The following RALGAPB variants were observed in gnomAD, a reference collection of about 807,000 sequenced individuals.
RALGAPB encodes ral GTPase-activating protein subunit beta.
RALGAPB carries 25 observed loss-of-function variants against 161.1 expected under a neutral mutation model. The observed-to-expected ratio is 0.16, with a 90% confidence interval of 0.11 to 0.22. RALGAPB has a LOEUF of 0.22. Ranked by LOEUF, RALGAPB falls within the 10% of genes least tolerant of loss-of-function variation. The probability of loss-of-function intolerance (pLI) is 1.00; values close to 1 mark genes in which losing one functional copy is unlikely to be tolerated. For synonymous variants in RALGAPB, 629 were observed against 626.1 expected (o/e 1.00, Z -0.07); for missense variants, 1,391 against 1,815.2 (o/e 0.77, Z 4.25).
At chr20:38,546,114 T>A in intron 18 of RALGAPB, 129 bp from the exon 19 acceptor site, 1 of 1,499,268 alleles carries the variant, frequency 6.7e-7, no homozygotes, top group East Asian at 2.3e-5. Flanking sequence ...AAGGAGTAAA[T>A]CTGACCTGTC....
intron 1 of RALGAPB, among the ~76,000 whole-genome samples, chr20:38,481,670 A>G (rs1458607884): frequency 1.3e-5 from 2 of 152,244 alleles, no homozygotes; most frequent in Non-Finnish European, 2.9e-5. Flanking sequence ...GCCAAACCAT[A>G]TCAATGTATA....
intron 18 of RALGAPB, 126 bp from the exon 19 acceptor site, chr20:38,546,117 G>C (rs2145413776): frequency 6.6e-7 from 1 of 1,507,850 alleles, no homozygotes; most frequent in East Asian, 2.3e-5. Flanking sequence ...GAGTAAATCT[G>C]ACCTGTCAAG....
rs1481093052 is a variant in RALGAPB, at chr20:38,564,395, ACCTCTTGTCT to A, written c.3698-963_3698-954del. Among the ~76,000 whole-genome samples the A allele has an allele frequency of 2.0e-4, 31 of 152,248 alleles. No homozygotes were observed. The East Asian group carries it at 5.8e-3, about 28-fold the overall frequency. On this transcript the variant is annotated intron_variant, in intron 24 of 29. Coordinates refer to ENST00000262879, the MANE Select transcript of RALGAPB (RefSeq NM_020336.4). ...GGTCCTTTACAGAAAAAGTTTGCTA[ACCTCTTGTCT>A]AAAGCTTCCTATTTGCCATACCTTC... is the stretch of plus-strand genomic sequence containing the variant.
At chr20:38,515,505 A>G (rs1568931497) in intron 6 of RALGAPB, among the ~76,000 whole-genome samples, 2 of 152,128 alleles carry the variant, frequency 1.3e-5, no homozygotes, top group African/African-American at 4.8e-5. Flanking sequence ...AAATATTTCA[A>G]ACTGTTTGTA....
rs144189697 is a variant in RALGAPB at position 38,486,070 on chromosome 20, C to T, written c.-30-2333C>T. Among the ~76,000 whole-genome samples the T allele has an allele frequency of 2.8e-3, 413 of 148,332 alleles. 3 individuals are homozygous for T. The highest frequency in any genetic ancestry group is 9.8e-3 in the African/African-American group (394 of 40,274). On this transcript the variant is annotated intron_variant, in intron 1 of 29. Coordinates refer to ENST00000262879, the MANE Select transcript of RALGAPB (RefSeq NM_020336.4). ...CTGCAGCCTCCACCTCCCGGTTTCA[C>T]GTGATTTTCCTGCCTCAGCCTCCCA...
At chr20:38,516,528 C>A in intron 7 of RALGAPB, 158 bp downstream of exon 7, 1 of 718,242 alleles carries the variant, frequency 1.4e-6, no homozygotes, top group Non-Finnish European at 2.2e-6. Flanking sequence ...AATAAAATAG[C>A]CAGAGGGTTA....
Position 38,549,061 on chromosome 20 carries a change from A to G in RALGAPB, c.3009+266A>G, listed in dbSNP as rs760220524. Among the ~76,000 whole-genome samples, 5 of 152,176 alleles carry G rather than the reference A, an allele frequency of 3.3e-5. No homozygotes were observed. In the East Asian group the frequency reaches 9.6e-4, roughly 29 times the overall value. ...TTAGGAGTAATTGCTGTTGTGGACA[A>G]TGGCCCCAGTTTTTTCCATGTAATT... is the stretch of plus-strand genomic sequence containing the variant. On this transcript the variant is annotated intron_variant, in intron 20 of 29. Coordinates refer to ENST00000262879, the MANE Select transcript of RALGAPB (RefSeq NM_020336.4).
At chr20:38,503,374 A>G (rs2085653093) in intron 5 of RALGAPB, among the ~76,000 whole-genome samples, 1 of 152,192 alleles carries the variant, frequency 6.6e-6, no homozygotes, top group African/African-American at 2.4e-5. Context: ...TACCATATCA[A>G]CATTAACAGG....
At chr20:38,496,634 GT>G (rs1198000839) in intron 3 of RALGAPB, among the ~76,000 whole-genome samples, 1 of 152,124 alleles carries the variant, frequency 6.6e-6, no homozygotes, top group Non-Finnish European at 1.5e-5. Context: ...ACTTTGATCT[GT>G]TTTATAGATC....
At chr20:38,569,817 G>T in intron 26 of RALGAPB, 71 bp from the exon 27 acceptor site, 1 of 1,109,338 alleles carries the variant, frequency 9.0e-7, no homozygotes, top group Admixed American at 1.8e-5. Context: ...TGAATGACTG[G>T]GTAGTTTTAT....
In RALGAPB at chr20:38,574,891, A is replaced by G. The variant is rs1210730146; in HGVS notation, c.4409A>G (p.Tyr1470Cys). The G allele has an allele frequency of 1.1e-5, 18 of 1,614,036 alleles. No individual in the cohort carries two copies. Among genetic ancestry groups the G allele is most frequent in the Non-Finnish European group, 1.4e-5 (17 of 1,179,862 alleles). ...AAAATCACCGACATTGTCAACAAGT[A>G]CCGGAACAAGCAGCTGGAGCCAGAG... is the stretch of plus-strand genomic sequence containing the variant. Reference protein sequence around the residue: ...KQKITDIVNKYRNKQLEPEFY... With the variant: ...KQKITDIVNKCRNKQLEPEFY... The change falls in exon 30 of 30, where the codon TAC becomes TGC. Residue 1470 changes from tyrosine to cysteine, a missense_variant. Tyr to Cys is a radical substitution (Grantham distance 194, BLOSUM62 -2). Coordinates refer to ENST00000262879, the MANE Select transcript of RALGAPB (RefSeq NM_020336.4).
intron 23 of RALGAPB, among the ~76,000 whole-genome samples, chr20:38,558,886 G>A (rs1349833138): frequency 6.6e-6 from 1 of 152,142 alleles, no homozygotes; most frequent in African/African-American, 2.4e-5. Flanking sequence ...TATCAAAAAA[G>A]TGCCTTTCTA....
intron 6 of RALGAPB, among the ~76,000 whole-genome samples, chr20:38,513,576 G>T (rs1296727493): frequency 6.6e-6 from 1 of 151,658 alleles, no homozygotes; most frequent in Non-Finnish European, 1.5e-5. Context: ...CTTGAACCCG[G>T]GAGGCAGAGT....
chr20:38,562,426 G>T, intron 23 of RALGAPB, 106 bp from the exon 24 acceptor site: 2 of 944,950 alleles, frequency 2.1e-6, no homozygotes, highest in Non-Finnish European at 3.1e-6. Flanking sequence ...TCTGAGCTTG[G>T]ACATGATTTG....
At chr20:38,497,308 GTC>G in intron 3 of RALGAPB, 43 bp from the exon 4 acceptor site, 2 of 1,580,088 alleles carry the variant, frequency 1.3e-6, no homozygotes, top group Non-Finnish European at 1.7e-6. Flanking sequence ...AGCTGTTGCT[GTC>G]TCTCCTCCAG....
rs202190348 is a variant in RALGAPB, at chr20:38,475,540, A to AT, written c.-31+2480dup. Among the ~76,000 whole-genome samples, 1,480 of 151,632 alleles carry AT rather than the reference A, an allele frequency of 9.8e-3. 9 individuals are homozygous for AT. Among genetic ancestry groups the AT allele is most frequent in the Middle Eastern group, 0.021 (6 of 290 alleles). ...ATGAGGAGGTTTTTGGACAATAAAG[A>AT]TTTTTTTTTGTATAGCAATTAAACA... On this transcript the variant is annotated intron_variant, in intron 1 of 29. Transcript: ENST00000262879.
rs144951650 is a variant in RALGAPB at position 38,523,772 on chromosome 20, C to T, written c.1620-1006C>T. Among the ~76,000 whole-genome samples the T allele has an allele frequency of 3.9e-5, 6 of 152,218 alleles. No individual in the cohort carries two copies. In the East Asian group the frequency reaches 1.2e-3, roughly 29 times the overall value. On this transcript the variant is annotated intron_variant, in intron 10 of 29. Coordinates refer to ENST00000262879, the MANE Select transcript of RALGAPB (RefSeq NM_020336.4). ...AGCTTTGAGAACTAAGGTTGTCAGACTGAGGAACACCATCTTTAGGGGGCA... is the reference window on the plus strand; with the variant it reads ...AGCTTTGAGAACTAAGGTTGTCAGATTGAGGAACACCATCTTTAGGGGGCA...
chr20:38,482,952 A>G (rs1393785386), intron 1 of RALGAPB, among the ~76,000 whole-genome samples: 1 of 152,186 alleles, frequency 6.6e-6, no homozygotes, highest in Non-Finnish European at 1.5e-5. Flanking sequence ...AAGTGGCACA[A>G]TCATGGCTCA....
intron 1 of RALGAPB, among the ~76,000 whole-genome samples, chr20:38,476,492 G>A (rs1282668616): frequency 6.6e-6 from 1 of 152,092 alleles, no homozygotes; most frequent in East Asian, 1.9e-4. Flanking sequence ...TTTCGCCCCC[G>A]ACCCCTTCCC....
Sources: allele counts gnomAD v4.1 joint callset (sites outside exome capture counted in the v4.1 genomes callset), GRCh38; gene constraint gnomAD v4.1.1; transcripts MANE v1.5; gene names NCBI Gene and HGNC (gene_info 2026-07-23, HGNC 2026-07-21).